The following KCNK2 variants were observed in gnomAD, a reference collection of about 807,000 sequenced individuals.
KCNK2 encodes potassium two pore domain channel subfamily K member 2.
KCNK2 carries 21 observed loss-of-function variants against 40.5 expected under a neutral mutation model. That is an observed-to-expected ratio of 0.52 (90% CI 0.37 to 0.75). The LOEUF is 0.75. Among genes scored for constraint, KCNK2 ranks in the 30% least tolerant of loss-of-function variants. The pLI, the probability that KCNK2 is intolerant of heterozygous loss-of-function variation, is 0.00. For synonymous variants in KCNK2, 191 were observed against 202.2 expected (o/e 0.94, Z 0.47); for missense variants, 399 against 531.6 (o/e 0.75, Z 2.45).
intron 5 of KCNK2, among the ~76,000 whole-genome samples, chr1:215,179,784 G>A (rs974206515): frequency 6.6e-6 from 1 of 152,078 alleles, no homozygotes; most frequent in African/African-American, 2.4e-5. Flanking sequence ...GGCTGAGCAT[G>A]TGGTTGATCT....
chr1:215,128,460 A>G (rs1406719476), intron 3 of KCNK2, among the ~76,000 whole-genome samples: 4 of 152,214 alleles, frequency 2.6e-5, no homozygotes, highest in African/African-American at 9.6e-5. Flanking sequence ...CCCTGCTTGC[A>G]ATCTCATTTG....
At chr1:215,008,547 A>G (rs1656266799) in intron 1 of KCNK2, among the ~76,000 whole-genome samples, 1 of 152,180 alleles carries the variant, frequency 6.6e-6, no homozygotes, top group African/African-American at 2.4e-5. Context: ...TTCCCCATAT[A>G]TAAAACAGGA....
At position 215,086,537 on chromosome 1, in the gene KCNK2, T is replaced by C. The variant is rs1048267528; in HGVS notation, c.216T>C (p.Tyr72=). ...VSTIFLVVVL[Y]LIIGATVFKA... is the part of the protein sequence containing the mutation. ...CGATATTCCTGGTGGTTGTCCTCTA[T>C]CTGATCATCGGAGCCACCGTGTTCA... The change falls in exon 2 of 7, where the codon TAT becomes TAC. Residue 72 remains tyrosine (Y), a synonymous_variant. Coordinates refer to ENST00000444842, the MANE Select transcript of KCNK2 (RefSeq NM_001017425.3). 8 of 1,614,094 alleles carry C rather than the reference T, an allele frequency of 5.0e-6. No homozygotes were observed. The African/African-American group carries it at 8.0e-5, about 16-fold the overall frequency.
chr1:215,083,315 C>A lies in KCNK2; in HGVS notation c.-71C>A. ...CCCGTCTCTGAATAAGAAGTGAGTA[C>A]AATGGCGTGTTTGTAAAAAAAAGCT... On this transcript the variant is annotated 5_prime_UTR_variant, in exon 1 of 7. Transcript: ENST00000444842. The A allele has an allele frequency of 6.3e-7, 1 of 1,596,754 alleles. No individual in the cohort carries two copies. The highest frequency in any genetic ancestry group is 1.1e-5 in the South Asian group (1 of 90,794).
chr1:215,143,514 A>T (rs952066323), intron 3 of KCNK2, among the ~76,000 whole-genome samples: 38 of 152,308 alleles, frequency 2.5e-4, no homozygotes, highest in African/African-American at 9.1e-4. Flanking sequence ...TACATATGTT[A>T]TGAAATTTCA....
intron 1 of KCNK2, among the ~76,000 whole-genome samples, chr1:215,067,372 G>A (rs955784029): frequency 4.6e-5 from 7 of 152,072 alleles, no homozygotes; most frequent in Non-Finnish European, 7.4e-5. Context: ...AATCTACCAT[G>A]CATTAGACAT....
intron 2 of KCNK2, among the ~76,000 whole-genome samples, chr1:215,090,119 C>T (rs901015421): frequency 6.6e-6 from 1 of 152,106 alleles, no homozygotes; most frequent in African/African-American, 2.4e-5. Flanking sequence ...AGCCACTGCA[C>T]CCCGCCTGTT....
chr1:215,150,270 G>C (rs1311502876), intron 3 of KCNK2, among the ~76,000 whole-genome samples: 1 of 152,174 alleles, frequency 6.6e-6, no homozygotes, highest in Non-Finnish European at 1.5e-5. Context: ...AACATAATCA[G>C]AGGGGACCAA....
chr1:215,068,807 T>C (rs144228066), intron 1 of KCNK2, among the ~76,000 whole-genome samples: 79 of 152,288 alleles, frequency 5.2e-4, no homozygotes, highest in Middle Eastern at 3.4e-3. Flanking sequence ...CCTGTTGACT[T>C]AATAGAAAAC....
chr1:215,016,141 A>G (rs1302879567), intron 1 of KCNK2, among the ~76,000 whole-genome samples: 1 of 152,226 alleles, frequency 6.6e-6, no homozygotes, highest in Admixed American at 6.5e-5. Context: ...GCAACTAAAA[A>G]TATAATAGTT....
upstream of KCNK2, among the ~76,000 whole-genome samples, chr1:215,078,068 T>A (rs1266451446): frequency 6.6e-6 from 1 of 152,172 alleles, no homozygotes; most frequent in Non-Finnish European, 1.5e-5. Flanking sequence ...GAAGAATAAT[T>A]GTCTTGGCCT....
intron 1 of KCNK2, among the ~76,000 whole-genome samples, chr1:215,065,113 C>T (rs965137376): frequency 1.3e-5 from 2 of 152,132 alleles, no homozygotes; most frequent in Non-Finnish European, 2.9e-5. Context: ...TGTTTTCTTA[C>T]TTTTACATAT....
intron 1 of KCNK2, among the ~76,000 whole-genome samples, chr1:215,071,515 A>G (rs1395801637): frequency 1.3e-5 from 2 of 152,210 alleles, no homozygotes; most frequent in Non-Finnish European, 2.9e-5. Flanking sequence ...TTGCAGGACT[A>G]GAAACACATC....
intron 1 of KCNK2, among the ~76,000 whole-genome samples, chr1:215,061,173 T>C (rs1434948036): frequency 2.0e-5 from 3 of 152,150 alleles, no homozygotes; most frequent in African/African-American, 7.2e-5. Flanking sequence ...AGTCAGGAAA[T>C]GGTAATATGT....
chr1:215,191,380 G>C (rs1310351521), intron 5 of KCNK2, among the ~76,000 whole-genome samples: 1 of 152,042 alleles, frequency 6.6e-6, no homozygotes, highest in African/African-American at 2.4e-5. Flanking sequence ...GCTAGAATAG[G>C]GCTTTCTTAA....
At chr1:215,189,993 A>G (rs1331452279) in intron 5 of KCNK2, among the ~76,000 whole-genome samples, 1 of 152,188 alleles carries the variant, frequency 6.6e-6, no homozygotes, top group African/African-American at 2.4e-5. Flanking sequence ...TTATATATCT[A>G]TGTTTATATT....
chr1:215,126,250 A>G (rs1661433145), intron 3 of KCNK2, among the ~76,000 whole-genome samples: 1 of 152,142 alleles, frequency 6.6e-6, no homozygotes, highest in Non-Finnish European at 1.5e-5. Context: ...GCTGGATCAC[A>G]TGCCAGCAAA....
At chr1:215,127,786 A>AT (rs1661497359) in intron 3 of KCNK2, among the ~76,000 whole-genome samples, 1 of 152,200 alleles carries the variant, frequency 6.6e-6, no homozygotes, top group Non-Finnish European at 1.5e-5. Context: ...CATAATAATT[A>AT]TTTTTGAAAC....
Position 215,028,967 on chromosome 1 carries a change from C to CTTT in KCNK2, c.34+23022_34+23024dup, listed in dbSNP as rs143223591. ...AAATTCACTTATTTTAAAAAACAGG[C>CTTT]TTTTTTTTTTTTAGAAGAGTTTTAA... On this transcript the variant is annotated intron_variant, in intron 1 of 6. Transcript: ENST00000391895. Among the ~76,000 whole-genome samples the CTTT allele has an allele frequency of 6.2e-5, 9 of 144,266 alleles. No individual in the cohort carries two copies. The South Asian group carries it at 1.9e-3, about 31-fold the overall frequency. 94.6% of individuals were successfully genotyped at this position (144,266 alleles called of 152,430 possible).
Sources: allele counts gnomAD v4.1 joint callset (sites outside exome capture counted in the v4.1 genomes callset), GRCh38; gene constraint gnomAD v4.1.1; transcripts MANE v1.5; gene names NCBI Gene and HGNC (gene_info 2026-07-23, HGNC 2026-07-21).